Variants in FANCA observed in about 807,000 individuals in gnomAD.
FANCA encodes the protein Fanconi anemia group A protein.
In FANCA, 236 loss-of-function variants were observed where a neutral mutation model predicts 194.3. The observed-to-expected ratio is 1.21, with a 90% confidence interval of 1.09 to 1.35. The LOEUF is 1.35. Ranked by LOEUF, FANCA falls within the 40% of genes most tolerant of loss-of-function variation. The pLI, the probability that FANCA is intolerant of heterozygous loss-of-function variation, is 0.00. For missense variants in FANCA, 2,628 were observed against 1,813.9 expected (o/e 1.45, Z -8.15); for synonymous variants, 1,014 against 715.8 (o/e 1.42, Z -6.65).
chr16:89,783,062 C>A lies in FANCA; in HGVS notation c.1511G>T (p.Arg504Leu), dbSNP rs778045457. The A allele has an allele frequency of 1.9e-6, 3 of 1,613,790 alleles. No homozygotes were observed. Among genetic ancestry groups the A allele is most frequent in the Non-Finnish European group, 1.7e-6 (2 of 1,179,838 alleles). The change falls in exon 16 of 43, where the codon CGC (arginine) becomes CTC (leucine). Residue 504 changes from arginine (R) to leucine (L), a missense_variant. Coordinates refer to ENST00000389301, the MANE Select transcript of FANCA (RefSeq NM_000135.4). ...LHPPLVPGKY[R>L]SLLTDYISLA... ...TGAGATGTAGTCTGTGAGGAGGGAG[C>A]GGTACTTGCCGGGAACCAGGGGTGG...
chr16:89,795,760 G>C (rs2040223669), intron 11 of FANCA, 146 bp downstream of exon 11: 1 of 688,156 alleles, frequency 1.5e-6, no homozygotes, highest in Admixed American at 2.1e-5. Context: ...ACAATCTCAG[G>C]CATCTGAGGA....
At chr16:89,815,108 C>G (rs2041052578) in intron 2 of FANCA, among the ~76,000 whole-genome samples, 1 of 151,844 alleles carries the variant, frequency 6.6e-6, no homozygotes, top group Admixed American at 6.6e-5. Context: ...CGGGATCTCA[C>G]TCACGGCGAC....
chr16:89,749,736 T>C lies in FANCA; in HGVS notation c.3233A>G (p.Tyr1078Cys), dbSNP rs1285387383. The change falls in exon 32 of 43, where the codon TAC (tyrosine) becomes TGC (cysteine). Residue 1078 changes from tyrosine (Y) to cysteine (C), a missense_variant. Tyr to Cys is a radical substitution (Grantham distance 194). Coordinates refer to ENST00000389301, the MANE Select transcript of FANCA (RefSeq NM_000135.4). ...AGGTGGTAGTAGGTGTTACCGTTTG[T>C]ACATTAGCAGCTCCCTCTGTCTCTG... is the stretch of plus-strand genomic sequence containing the variant. ...SLQRQRELLM[Y>C]KRILLRLPSS... The C allele has an allele frequency of 5.0e-6, 8 of 1,613,868 alleles. No individual in the cohort carries two copies. The highest frequency in any genetic ancestry group is 6.8e-6 in the Non-Finnish European group (8 of 1,179,878).
intron 30 of FANCA, among the ~76,000 whole-genome samples, chr16:89,753,930 C>T (rs959068304): frequency 6.6e-6 from 1 of 152,204 alleles, no homozygotes; most frequent in Non-Finnish European, 1.5e-5. Context: ...TAGCGGACGC[C>T]AGTAATCCCA....
At chr16:89,809,036 G>C (rs2040775432) in intron 5 of FANCA, among the ~76,000 whole-genome samples, 1 of 151,928 alleles carries the variant, frequency 6.6e-6, no homozygotes, top group Non-Finnish European at 1.5e-5. Context: ...CTCCTGAGTA[G>C]CTGGGACTAC....
intron 23 of FANCA, 95 bp downstream of exon 23, chr16:89,771,583 A>G: frequency 2.7e-6 from 4 of 1,455,994 alleles, no homozygotes; most frequent in East Asian, 2.3e-5. Flanking sequence ...TGAGCAAGTC[A>G]AACAGAAATT....
chr16:89,777,892 T>C (rs937166421), intron 20 of FANCA, among the ~76,000 whole-genome samples: 3 of 152,042 alleles, frequency 2.0e-5, no homozygotes, highest in Admixed American at 6.6e-5. Context: ...CCGGGTGCGG[T>C]AGCTCACGCC....
Position 89,797,372 on chromosome 16 carries a change from C to T in FANCA, c.894-1354G>A, listed in dbSNP as rs184437792. 2.6e-5 allele frequency among the ~76,000 whole-genome samples: 4 copies of T among 152,040 alleles called. No homozygotes were observed. In the East Asian group the frequency reaches 5.8e-4, roughly 22 times the overall value. ...AAAGAAAGAAAATCAAGGGTCCTGG[C>T]GGTTCAGTGAACTGCCCCAGGGTCA... is the stretch of plus-strand genomic sequence containing the variant. On this transcript the variant is annotated intron_variant, in intron 10 of 42. Transcript: ENST00000389301.
Position 89,770,274 on chromosome 16 carries a change from G to A in FANCA, c.2223-15C>T, listed in dbSNP as rs775834091. ...AGGGACCCTGCCTGCAGAGACAGCC[G>A]TGAAACCATCAGTACTAGCCATTCA... On this transcript the variant is annotated splice_polypyrimidine_tract_variant and intron_variant, in intron 24 of 42. Coordinates refer to ENST00000389301, the MANE Select transcript of FANCA (RefSeq NM_000135.4). The A allele has an allele frequency of 1.5e-5, 23 of 1,560,108 alleles. No individual in the cohort carries two copies. Among genetic ancestry groups the A allele is most frequent in the Middle Eastern group, 1.8e-4 (1 of 5,666 alleles).
At chr16:89,779,240 G>A (rs1004549402) in intron 18 of FANCA, among the ~76,000 whole-genome samples, 5 of 152,110 alleles carry the variant, frequency 3.3e-5, no homozygotes, top group South Asian at 2.1e-4. Context: ...GGGCTTGAAC[G>A]TGGAGCCTGG....
intron 2 of FANCA, 32 bp downstream of exon 2, chr16:89,815,845 C>T: frequency 6.5e-7 from 1 of 1,536,254 alleles, no homozygotes; most frequent in Non-Finnish European, 9.0e-7. Context: ...GAACCTAAAT[C>T]TGCCCGCAGA....
At chr16:89,751,361 G>A (rs1011230315) in intron 31 of FANCA, among the ~76,000 whole-genome samples, 5 of 152,206 alleles carry the variant, frequency 3.3e-5, no homozygotes, top group South Asian at 4.2e-4. Context: ...GTGTGGTGGC[G>A]CACACAGGTG....
chr16:89,798,603 T>A, intron 10 of FANCA: 1 of 1,151,480 alleles, frequency 8.7e-7, no homozygotes, highest in South Asian at 3.0e-5. Flanking sequence ...AACCCCGATG[T>A]CCACCTTCCA....
At chr16:89,760,670 G>A (rs1225644806) in intron 29 of FANCA, among the ~76,000 whole-genome samples, 2 of 152,078 alleles carry the variant, frequency 1.3e-5, no homozygotes, top group East Asian at 3.9e-4. Context: ...GTCTCAAATG[G>A]TCTCAGTCAT....
At chr16:89,769,814 G>A (rs777529780) in intron 26 of FANCA, 23 bp downstream of exon 26, 101 of 1,613,134 alleles carry the variant, frequency 6.3e-5, no homozygotes, top group Non-Finnish European at 7.6e-5. Flanking sequence ...GAGAGAAGAC[G>A]CGACTGTGGA....
chr16:89,772,263 C>G (rs1224882658), intron 22 of FANCA, among the ~76,000 whole-genome samples: 1 of 152,236 alleles, frequency 6.6e-6, no homozygotes, highest in Non-Finnish European at 1.5e-5. Flanking sequence ...CAACCTCTTG[C>G]TTAAGCACTG....
At chr16:89,786,983 A>C (rs1214600059) in intron 14 of FANCA, among the ~76,000 whole-genome samples, 1 of 152,174 alleles carries the variant, frequency 6.6e-6, no homozygotes, top group Non-Finnish European at 1.5e-5. Context: ...GAGCCAGATG[A>C]TCACTGGCCG....
chr16:89,780,364 A>C (rs889855781), intron 17 of FANCA, among the ~76,000 whole-genome samples: 1 of 152,174 alleles, frequency 6.6e-6, no homozygotes, highest in Non-Finnish European at 1.5e-5. Flanking sequence ...ACTCATGTCT[A>C]TAAACGCAGT....
intron 2 of FANCA, among the ~76,000 whole-genome samples, chr16:89,815,607 T>C (rs1330504762): frequency 6.6e-6 from 1 of 151,946 alleles, no homozygotes; most frequent in South Asian, 2.1e-4. Flanking sequence ...CCACCCGCCT[T>C]GGCCTCCCCA....
Sources: allele counts gnomAD v4.1 joint callset (sites outside exome capture counted in the v4.1 genomes callset), GRCh38; gene constraint gnomAD v4.1.1; transcripts MANE v1.5; gene names NCBI Gene and HGNC (gene_info 2026-07-23, HGNC 2026-07-21).